ZNF268: variants seen among roughly 807,000 people sequenced by gnomAD.
The protein encoded by ZNF268 is zinc finger protein 268.
In ZNF268, 20 loss-of-function variants were observed where a neutral mutation model predicts 29.3. That is an observed-to-expected ratio of 0.68 (90% CI 0.48 to 0.99). The LOEUF is 0.99. ZNF268 is among the 50% of genes least tolerant of loss of function. The pLI is 0.00. For missense variants in ZNF268, 1,240 were observed against 1,121.6 expected (o/e 1.11, Z -1.51); for synonymous variants, 429 against 376.9 (o/e 1.14, Z -1.60).
rs558911402 is a variant in ZNF268 at position 133,188,018 on chromosome 12, A to T, written c.180A>T (p.Lys60Asn). 3.4e-5 allele frequency: 55 copies of T among 1,596,180 alleles called. No individual in the cohort carries two copies. The highest frequency in any genetic ancestry group is 4.6e-5 in the Non-Finnish European group (54 of 1,171,000). The change falls in exon 3 of 6, where the codon AAA (lysine) becomes AAT (asparagine). Residue 60 changes from lysine (K) to asparagine (N), a missense_variant. This residue lies in a region of ZNF268 where 12 missense variants were observed against 30.6 expected (regional missense o/e 0.39). Transcript: ENST00000536435. ...RQKQKSRRIE[K>N]VLEWLFISQE... ...AGCAGAAGAGTCGCAGAATAGAGAA[A>T]GTCCTAGAGTGGCTGTTTATTTCCC...
intron 2 of ZNF268, among the ~76,000 whole-genome samples, chr12:133,186,171 G>C (rs969778572): frequency 1.3e-5 from 2 of 152,084 alleles, no homozygotes; most frequent in Non-Finnish European, 2.9e-5. Context: ...TCAATGTAGA[G>C]CCAGGACTTG....
intron 2 of ZNF268, 37 bp downstream of exon 2, chr12:133,182,067 C>G: frequency 6.4e-7 from 1 of 1,550,950 alleles, no homozygotes; most frequent in Non-Finnish European, 8.7e-7. Flanking sequence ...GAAAAGCTCT[C>G]CCTGAATGCC....
rs1464621278 is a variant in ZNF268 at position 133,212,490 on chromosome 12, TATATATATGTATATATAC to T, written c.*7962_*7979del. The T allele has an allele frequency of 2.1e-4, 2 of 9,660 alleles. No homozygotes were observed. The highest frequency in any genetic ancestry group is 1.9e-3 in the African/African-American group (2 of 1,068). 0.6% of individuals were successfully genotyped at this position (9,660 alleles called of 1,614,324 possible). A position where few individuals can be genotyped will look rare whatever the true frequency, so the allele number is the denominator to read the frequency against. ...ATATATATATATATATATATATATA[TATATATATGTATATATAC>T]ACACACACATACACACATATATACA... is the stretch of plus-strand genomic sequence containing the variant. On this transcript the variant is annotated 3_prime_UTR_variant, in exon 6 of 6. Transcript: ENST00000536435.
intron 2 of ZNF268, among the ~76,000 whole-genome samples, chr12:133,185,141 C>T (rs1352984436): frequency 2.0e-5 from 3 of 149,368 alleles, no homozygotes; most frequent in Non-Finnish European, 4.4e-5. Context: ...GCCAAGATCA[C>T]GCCACTGCAC....
In ZNF268 at chr12:133,204,519, G is replaced by A. The variant is rs1956849977; in HGVS notation, c.2833G>A (p.Asp945Asn). 6.7e-7 allele frequency: 1 copy of A among 1,498,654 alleles called. No homozygotes were observed. The allele number at this position is 1,498,654 out of a possible 1,614,324, so 92.8% of individuals were successfully genotyped here. The change falls in exon 6 of 6, where the codon GAC (aspartate) becomes AAC (asparagine). Residue 945 changes from aspartate (D) to asparagine (N), a missense_variant. This residue lies in a region of ZNF268 where 1,177 missense variants were observed against 1,039.6 expected (regional missense o/e 1.13). Transcript: ENST00000536435. Reference protein sequence around the residue: ...LIMHQRTHVDDKH With the variant: ...LIMHQRTHVDNKH ...TATGCATCAGAGAACTCATGTAGATGACAAACATTGATAATTTTACGAAAC... is the reference window on the plus strand; with the variant it reads ...TATGCATCAGAGAACTCATGTAGATAACAAACATTGATAATTTTACGAAAC...
At chr12:133,182,384 G>A (rs1286059044) in intron 2 of ZNF268, among the ~76,000 whole-genome samples, 1 of 134,438 alleles carries the variant, frequency 7.4e-6, no homozygotes, top group East Asian at 1.9e-4. Flanking sequence ...TTATTCACTT[G>A]TTCAACATTT....
chr12:133,189,319 G>T (rs1360538681), intron 3 of ZNF268, among the ~76,000 whole-genome samples: 1 of 150,542 alleles, frequency 6.6e-6, no homozygotes, highest in African/African-American at 2.4e-5. Context: ...GGTTCAAGCA[G>T]TTCTCCTACC....
At chr12:133,191,817 T>G in intron 4 of ZNF268, 91 bp from the exon 5 acceptor site, 4 of 1,512,534 alleles carry the variant, frequency 2.6e-6, no homozygotes, top group Non-Finnish European at 9.2e-7. Context: ...AGCTTCATCA[T>G]GCTACCTCCA....
chr12:133,203,400 A>G lies in ZNF268; in HGVS notation c.1714A>G (p.Ile572Val). The G allele has an allele frequency of 1.3e-6, 2 of 1,546,000 alleles. No individual in the cohort carries two copies. The highest frequency in any genetic ancestry group is 1.7e-6 in the Non-Finnish European group (2 of 1,150,212). The change falls in exon 6 of 6, where the codon ATT becomes GTT. Residue 572 changes from isoleucine (I) to valine (V), a missense_variant. By Grantham distance (29) the Ile-to-Val change is conservative (BLOSUM62 3). Around this residue, in one of 3 missense-constraint regions of ZNF268, gnomAD observed 1,177 missense variants for 1,039.6 expected, o/e 1.13. Transcript: ENST00000536435. Reference protein sequence around the residue: ...GKAFSRKYQLISHQRTHAGEK... With the variant: ...GKAFSRKYQLVSHQRTHAGEK... ...AGCCTTCAGTCGGAAATACCAGCTT[A>G]TTTCACACCAGAGAACTCATGCAGG...
chr12:133,212,518 TACAC>T lies in ZNF268; in HGVS notation c.*7992_*7995del, dbSNP rs376850166. ...ATATATGTATATATACACACACACA[TACAC>T]ACATATATACACATATATATACACA... is the stretch of plus-strand genomic sequence containing the variant. On this transcript the variant is annotated 3_prime_UTR_variant, in exon 6 of 6. Coordinates refer to ENST00000536435, the MANE Select transcript of ZNF268 (RefSeq NM_003415.3). 1.1e-4 allele frequency: 15 copies of T among 138,162 alleles called. No homozygotes were observed. The highest frequency in any genetic ancestry group is 6.8e-4 in the South Asian group (3 of 4,416). The allele number at this position is 138,162 out of a possible 1,614,324, so 8.6% of individuals were successfully genotyped here.
rs1214803507 is a variant in ZNF268, at chr12:133,212,482, T to C, written c.*7952T>C. On this transcript the variant is annotated 3_prime_UTR_variant, in exon 6 of 6. Coordinates refer to ENST00000536435, the MANE Select transcript of ZNF268 (RefSeq NM_003415.3). ...ATATATATATATATATATATATATA[T>C]ATATATATATATATATGTATATATA... is the stretch of plus-strand genomic sequence containing the variant. 2 of 8,626 alleles carry C rather than the reference T, an allele frequency of 2.3e-4. No homozygotes were observed. Among genetic ancestry groups the C allele is most frequent in the African/African-American group, 7.9e-4 (1 of 1,270 alleles). The allele number at this position is 8,626 out of a possible 1,614,324, so 0.5% of individuals were successfully genotyped here.
chr12:133,204,571 GAAACAA>G lies in ZNF268; in HGVS notation c.*42_*47del. On this transcript the variant is annotated 3_prime_UTR_variant, in exon 6 of 6. Coordinates refer to ENST00000536435, the MANE Select transcript of ZNF268 (RefSeq NM_003415.3). ...CTGAAAAGTGGATTCACAAGAGATA[GAAACAA>G]TCATATATAAAGAGAAACTCTGTAA... 1 of 1,383,228 alleles carries G rather than the reference GAAACAA, an allele frequency of 7.2e-7. No homozygotes were observed. Among genetic ancestry groups the G allele is most frequent in the Non-Finnish European group, 9.6e-7 (1 of 1,045,338 alleles). 85.7% of individuals were successfully genotyped at this position (1,383,228 alleles called of 1,614,324 possible).
chr12:133,212,487 A>G lies in ZNF268; in HGVS notation c.*7957A>G, dbSNP rs1383725195. The G allele has an allele frequency of 1.8e-3, 39 of 21,878 alleles. No homozygotes were observed. The highest frequency in any genetic ancestry group is 9.4e-3 in the African/African-American group (36 of 3,824). The allele number at this position is 21,878 out of a possible 1,614,324, so 1.4% of individuals were successfully genotyped here. On this transcript the variant is annotated 3_prime_UTR_variant, in exon 6 of 6. Transcript: ENST00000536435. Reference sequence around the variant, plus strand: ...TATATATATATATATATATATATATATATATATATATGTATATATACACAC... The same window carrying G: ...TATATATATATATATATATATATATGTATATATATATGTATATATACACAC...
At position 133,205,757 on chromosome 12, in the gene ZNF268, G is replaced by A. The variant is rs768748809; in HGVS notation, c.*1227G>A. The A allele has an allele frequency of 6.6e-6, 1 of 152,112 alleles. No homozygotes were observed. Among genetic ancestry groups the A allele is most frequent in the Non-Finnish European group, 1.5e-5 (1 of 68,018 alleles). The allele number at this position is 152,112 out of a possible 1,614,324, so 9.4% of individuals were successfully genotyped here. A position where few individuals can be genotyped will look rare whatever the true frequency, so the allele number is the denominator to read the frequency against. On this transcript the variant is annotated 3_prime_UTR_variant, in exon 6 of 6. Transcript: ENST00000536435. ...CCTGGAATCTATTCTACCTTCACAG[G>A]TTAGAACATCTTGATTTCCTCTTAA...
chr12:133,185,260 G>A (rs1272349871), intron 2 of ZNF268, among the ~76,000 whole-genome samples: 1 of 151,916 alleles, frequency 6.6e-6, no homozygotes, highest in Admixed American at 6.6e-5. Flanking sequence ...CACTGAGGAA[G>A]TGACGTCTAA....
Position 133,206,133 on chromosome 12 carries a change from C to G in ZNF268, c.*1603C>G, listed in dbSNP as rs1335120348. 6.6e-6 allele frequency: 1 copy of G among 152,164 alleles called. No individual in the cohort carries two copies. Among genetic ancestry groups the G allele is most frequent in the African/African-American group, 2.4e-5 (1 of 41,432 alleles). The allele number at this position is 152,164 out of a possible 1,614,324, so 9.4% of individuals were successfully genotyped here. A position where few individuals can be genotyped will look rare whatever the true frequency, so the allele number is the denominator to read the frequency against. On this transcript the variant is annotated 3_prime_UTR_variant, in exon 6 of 6. Transcript: ENST00000536435. ...TACAGCTTACTAAATCAGATGGCTT[C>G]AGAAATGGGTGGTAGAGGAGTAGGC...
intron 5 of ZNF268, among the ~76,000 whole-genome samples, chr12:133,195,874 C>T (rs890482994): frequency 3.3e-5 from 5 of 151,842 alleles, no homozygotes; most frequent in African/African-American, 7.2e-5. Context: ...CGCGCTACCA[C>T]ACCTGGCTAA....
rs1186700445 is a variant in ZNF268, at chr12:133,205,713, A to T, written c.*1183A>T. On this transcript the variant is annotated 3_prime_UTR_variant, in exon 6 of 6. Coordinates refer to ENST00000536435, the MANE Select transcript of ZNF268 (RefSeq NM_003415.3). Reference sequence around the variant, plus strand: ...CTCTTTAGTAATCAATATAAGGCACACTTCATGTGTTTGTGTAGCCTGGAA... The same window carrying T: ...CTCTTTAGTAATCAATATAAGGCACTCTTCATGTGTTTGTGTAGCCTGGAA... The T allele has an allele frequency of 6.6e-6, 1 of 152,194 alleles. No homozygotes were observed. The highest frequency in any genetic ancestry group is 1.5e-5 in the Non-Finnish European group (1 of 68,032). 9.4% of individuals were successfully genotyped at this position (152,194 alleles called of 1,614,324 possible).
At position 133,203,643 on chromosome 12, in the gene ZNF268, TCA is replaced by T; in HGVS notation, c.1960_1961del (p.Gln654AlafsTer5). Reference sequence around the variant, plus strand: ...ATGTGGAAAAGCCTTTACGTTCAAATCACAGCTCATTGTACATAAAGGAGTGC... The same window carrying T: ...ATGTGGAAAAGCCTTTACGTTCAAATCAGCTCATTGTACATAAAGGAGTGC... The part of the protein sequence containing the change: ...NECGKAFTFK[S>X]QLIVHKGVHT... On this transcript the variant is annotated frameshift_variant, in exon 6 of 6. Transcript: ENST00000536435. LOFTEE classifies it low-confidence loss of function (END_TRUNC). 1.3e-6 allele frequency: 2 copies of T among 1,557,838 alleles called. No homozygotes were observed. The highest frequency in any genetic ancestry group is 1.7e-6 in the Non-Finnish European group (2 of 1,155,792).
Sources: allele counts gnomAD v4.1 joint callset (sites outside exome capture counted in the v4.1 genomes callset), GRCh38; gene constraint gnomAD v4.1.1; regional missense constraint gnomAD v4.1.1; transcripts MANE v1.5; gene names NCBI Gene and HGNC (gene_info 2026-07-23, HGNC 2026-07-21).